CDH13: variants seen among roughly 807,000 people sequenced by gnomAD.
The protein encoded by CDH13 is cadherin-13.
In CDH13, 24 loss-of-function variants were observed where a neutral mutation model predicts 63.8. The observed-to-expected ratio is 0.38, with a 90% CI of 0.27 to 0.53. CDH13 has a LOEUF of 0.53. CDH13 is among the 20% of genes least tolerant of loss of function. The pLI, the probability that CDH13 is intolerant of heterozygous loss-of-function variation, is 0.85. For synonymous variants in CDH13, 503 were observed against 355.3 expected (o/e 1.42, Z -4.67); for missense variants, 1,049 against 903.1 (o/e 1.16, Z -2.07).
chr16:83,723,705 G>A (rs1909989537), intron 10 of CDH13, among the ~76,000 whole-genome samples: 1 of 152,198 alleles, frequency 6.6e-6, no homozygotes, highest in Non-Finnish European at 1.5e-5. Context: ...CTATTTTTAT[G>A]ATCTCCCTTC....
At chr16:83,024,227 G>A (rs754269300) in intron 2 of CDH13, among the ~76,000 whole-genome samples, 22 of 152,180 alleles carry the variant, frequency 1.4e-4, no homozygotes, top group East Asian at 3.9e-4. Context: ...AACTTTTTTA[G>A]TGGATACAAG....
intron 2 of CDH13, among the ~76,000 whole-genome samples, chr16:82,892,340 T>C (rs2041109639): frequency 6.6e-6 from 1 of 152,212 alleles, no homozygotes; most frequent in Non-Finnish European, 1.5e-5. Flanking sequence ...CACACTCTAG[T>C]CTTACGCAGC....
chr16:83,536,820 A>G (rs1384238566), intron 7 of CDH13, among the ~76,000 whole-genome samples: 1 of 152,162 alleles, frequency 6.6e-6, no homozygotes, highest in Non-Finnish European at 1.5e-5. Context: ...AGAGAAAATC[A>G]ACAGCAGCAC....
chr16:83,305,567 A>G (rs1355875591), intron 5 of CDH13, among the ~76,000 whole-genome samples: 6 of 152,202 alleles, frequency 3.9e-5, no homozygotes, highest in Admixed American at 6.5e-5. Flanking sequence ...TTGCAATTAT[A>G]TCTTCCAAGT....
chr16:82,688,241 G>A (rs1915282231), intron 1 of CDH13, among the ~76,000 whole-genome samples: 1 of 152,118 alleles, frequency 6.6e-6, no homozygotes, highest in South Asian at 2.1e-4. Flanking sequence ...GCTGTGTCTC[G>A]AATGCCCTGC....
chr16:83,012,248 C>G (rs371136093), intron 2 of CDH13, among the ~76,000 whole-genome samples: 36 of 150,186 alleles, frequency 2.4e-4, no homozygotes, highest in African/African-American at 8.0e-4. Flanking sequence ...TATCTCTTTT[C>G]AATTTTCCAA....
In CDH13 at chr16:83,088,226, A is replaced by G. The variant is rs80246508; in HGVS notation, c.367-37159A>G. On this transcript the variant is annotated intron_variant, in intron 3 of 13. Coordinates refer to ENST00000567109, the MANE Select transcript of CDH13 (RefSeq NM_001257.5). The stretch of plus-strand genomic sequence containing the variant: ...TTGACACATTGCAGATTCAACTCTG[A>G]CATGTTATTTCCTTATGCTGAGGGT... Among the ~76,000 whole-genome samples the G allele has an allele frequency of 3.7e-3, 556 of 152,274 alleles. 5 individuals are homozygous for G. The highest frequency in any genetic ancestry group is 0.013 in the African/African-American group (526 of 41,550).
intron 1 of CDH13, among the ~76,000 whole-genome samples, chr16:82,759,793 G>T (rs1466043422): frequency 6.6e-6 from 1 of 152,006 alleles, no homozygotes; most frequent in African/African-American, 2.4e-5. Flanking sequence ...CAAATCCTCT[G>T]TCTTAGAAGT....
intron 1 of CDH13, among the ~76,000 whole-genome samples, chr16:82,748,134 A>T (rs1401678798): frequency 1.3e-5 from 2 of 151,842 alleles, no homozygotes; most frequent in East Asian, 3.9e-4. Context: ...ATAATAAATG[A>T]CTCCCTGGCA....
At chr16:83,239,165 A>C (rs892073516) in intron 5 of CDH13, among the ~76,000 whole-genome samples, 1 of 152,172 alleles carries the variant, frequency 6.6e-6, no homozygotes, top group Admixed American at 6.5e-5. Flanking sequence ...CATTCTTGAG[A>C]GAAATAAAGT....
chr16:83,511,638 C>T (rs1003639530), intron 7 of CDH13, among the ~76,000 whole-genome samples: 1 of 151,874 alleles, frequency 6.6e-6, no homozygotes, highest in East Asian at 1.9e-4. Context: ...CACTAAAAAG[C>T]AGTAAAAATT....
intron 3 of CDH13, among the ~76,000 whole-genome samples, chr16:83,060,420 G>A (rs960893183): frequency 2.0e-5 from 3 of 152,134 alleles, no homozygotes; most frequent in African/African-American, 7.2e-5. Flanking sequence ...AAAAGACAAA[G>A]TGTGAAAGGG....
intron 6 of CDH13, among the ~76,000 whole-genome samples, chr16:83,411,030 A>C (rs1254161116): frequency 2.0e-5 from 3 of 152,150 alleles, no homozygotes. Context: ...TCCCATATCC[A>C]GTTGGTCACT....
intron 5 of CDH13, among the ~76,000 whole-genome samples, chr16:83,336,224 C>A (rs186367644): frequency 2.0e-5 from 3 of 149,440 alleles, no homozygotes; most frequent in African/African-American, 7.5e-5. Flanking sequence ...TCGCTTGAAC[C>A]TGGGAGGCAG....
At chr16:83,025,659 C>G (rs1339844247) in intron 2 of CDH13, among the ~76,000 whole-genome samples, 1 of 152,158 alleles carries the variant, frequency 6.6e-6, no homozygotes, top group African/African-American at 2.4e-5. Context: ...CCCAACGTCA[C>G]AGGGCTCCTA....
intron 8 of CDH13, among the ~76,000 whole-genome samples, chr16:83,643,026 C>T (rs1598403863): frequency 6.5e-5 from 1 of 15,500 alleles, no homozygotes; most frequent in Admixed American, 7.0e-4. Context: ...AGTAAACTAT[C>T]GCAAGAACAA....
chr16:82,736,741 A>T (rs1206127371), intron 1 of CDH13, among the ~76,000 whole-genome samples: 1 of 152,184 alleles, frequency 6.6e-6, no homozygotes, highest in Non-Finnish European at 1.5e-5. Flanking sequence ...CCACCTTCTT[A>T]GGATACACTC....
intron 1 of CDH13, among the ~76,000 whole-genome samples, chr16:82,791,289 C>T (rs961793437): frequency 6.6e-6 from 1 of 151,258 alleles, no homozygotes; most frequent in Admixed American, 6.6e-5. Context: ...AAGGTGACCA[C>T]ACCCACTTTT....
chr16:83,427,234 T>C (rs1007200712), intron 6 of CDH13, among the ~76,000 whole-genome samples: 2 of 152,036 alleles, frequency 1.3e-5, no homozygotes, highest in Admixed American at 6.5e-5. Context: ...TCTTACATGG[T>C]CAAAGAAACC....
Sources: allele counts gnomAD v4.1 joint callset (sites outside exome capture counted in the v4.1 genomes callset), GRCh38; gene constraint gnomAD v4.1.1; transcripts MANE v1.5; gene names NCBI Gene and HGNC (gene_info 2026-07-23, HGNC 2026-07-21).